Variants in UBA2 observed in about 807,000 individuals in gnomAD.
UBA2 encodes the protein ubiquitin like modifier activating enzyme 2.
Under a neutral mutation model 77.2 loss-of-function variants are expected in UBA2, and 11 were observed. The observed-to-expected ratio is 0.14, with a 90% CI of 0.09 to 0.24. UBA2 has a LOEUF of 0.24. UBA2 is among the 10% of genes least tolerant of loss of function. The pLI, the probability that UBA2 is intolerant of heterozygous loss-of-function variation, is 1.00. For missense variants in UBA2, 487 were observed against 781.7 expected, an observed-to-expected ratio of 0.62 and a Z score of 4.50; for synonymous variants, 278 against 276.7, an observed-to-expected ratio of 1.00 and a Z score of -0.05.
In UBA2 at chr19:34,450,742, C is replaced by CTTTTT. The variant is rs59580124; in HGVS notation, c.871+398_871+402dup. ...GAAATTGCTATATATTTATGTATAT[C>CTTTTT]TTTTTTTTTTTTTTTTTTTTTTTTG... On this transcript the variant is annotated intron_variant, in intron 9 of 16. Transcript: ENST00000246548. Among the ~76,000 whole-genome samples the CTTTTT allele has an allele frequency of 9.3e-4, 78 of 83,428 alleles. 2 individuals are homozygous for CTTTTT. The highest frequency in any genetic ancestry group is 1.8e-3 in the African/African-American group (34 of 19,228). The allele number at this position is 83,428 out of a possible 152,430, so 54.7% of individuals were successfully genotyped here.
At chr19:34,456,982 A>G (rs2075570204) in intron 12 of UBA2, among the ~76,000 whole-genome samples, 2 of 151,122 alleles carry the variant, frequency 1.3e-5, no homozygotes, top group Non-Finnish European at 2.9e-5. Context: ...TTCCCATCAC[A>G]TCCTTCCGGT....
chr19:34,450,334 C>A lies in UBA2; in HGVS notation c.841C>A (p.Pro281Thr). The A allele has an allele frequency of 6.2e-7, 1 of 1,609,568 alleles. No homozygotes were observed. The highest frequency in any genetic ancestry group is 1.1e-5 in the South Asian group (1 of 90,060). Residue 281 changes from proline to threonine, a missense_variant, in exon 9 of 17, where the codon CCG becomes ACG. Physicochemically the swap from Pro to Thr is conservative, Grantham distance 38 (BLOSUM62 -1). Coordinates refer to ENST00000246548, the MANE Select transcript of UBA2 (RefSeq NM_005499.3). Reference sequence around the variant, plus strand: ...ATGGCGGAAAAGGAAACCTCCAGTTCCGTTGGACTGGGCTGAAGTACAAAG... The same window carrying A: ...ATGGCGGAAAAGGAAACCTCCAGTTACGTTGGACTGGGCTGAAGTACAAAG... ...KLWRKRKPPV[P>T]LDWAEVQSQG...
intron 7 of UBA2, among the ~76,000 whole-genome samples, chr19:34,444,548 C>T (rs748155682): frequency 5.3e-5 from 8 of 152,120 alleles, no homozygotes; most frequent in East Asian, 1.9e-4. Context: ...GGCTCACGCC[C>T]GTAGTCCCAG....
chr19:34,459,392 G>A (rs780852819), intron 13 of UBA2, among the ~76,000 whole-genome samples: 8 of 152,114 alleles, frequency 5.3e-5, no homozygotes, highest in Admixed American at 1.3e-4. Context: ...GTTTCTCTGC[G>A]TGTTGGACAG....
At chr19:34,440,385 A>G (rs544251169) in intron 6 of UBA2, among the ~76,000 whole-genome samples, 8 of 152,284 alleles carry the variant, frequency 5.3e-5, no homozygotes, top group Admixed American at 3.3e-4. Flanking sequence ...AGTAGTTTAA[A>G]TTATTCTAAA....
At position 34,460,353 on chromosome 19, in the gene UBA2, T is replaced by C. The variant is rs904460175; in HGVS notation, c.1402-117T>C. 8.5e-6 allele frequency: 6 copies of C among 707,396 alleles called. No homozygotes were observed. The East Asian group carries it at 1.6e-4, about 19-fold the overall frequency. 43.8% of individuals were successfully genotyped at this position (707,396 alleles called of 1,614,324 possible). A position where few individuals can be genotyped will look rare whatever the true frequency, so the allele number is the denominator to read the frequency against. On this transcript the variant is annotated intron_variant, in intron 13 of 16. Coordinates refer to ENST00000246548, the MANE Select transcript of UBA2 (RefSeq NM_005499.3). The stretch of plus-strand genomic sequence containing the variant: ...GCTCTAAGGGATCTTGAAGAGTGAC[T>C]TCGCCGGTTTCCAATAAATAGAAGG...
At chr19:34,430,503 G>A in intron 1 of UBA2, 73 bp from the exon 2 acceptor site, 1 of 1,113,612 alleles carries the variant, frequency 9.0e-7, no homozygotes, top group East Asian at 2.5e-5. Context: ...CTGGATTACA[G>A]GTGCTGAGAG....
chr19:34,428,658 T>A, intron 1 of UBA2, 88 bp downstream of exon 1: 8 of 743,246 alleles, frequency 1.1e-5, no homozygotes, highest in Non-Finnish European at 1.2e-5. Context: ...GCTCTGAGGC[T>A]CAGGGCCCGG....
intron 4 of UBA2, among the ~76,000 whole-genome samples, chr19:34,434,267 T>C (rs978495239): frequency 6.6e-6 from 1 of 152,120 alleles, no homozygotes; most frequent in African/African-American, 2.4e-5. Context: ...GGTACCACCA[T>C]ACCCGGCTAA....
intron 5 of UBA2, among the ~76,000 whole-genome samples, chr19:34,438,255 T>G (rs1022119057): frequency 6.6e-6 from 1 of 151,008 alleles, no homozygotes; most frequent in African/African-American, 2.4e-5. Flanking sequence ...AGAAAATGGC[T>G]GCGAATAATA....
chr19:34,447,011 G>T (rs1376260384), intron 8 of UBA2, among the ~76,000 whole-genome samples: 6 of 152,134 alleles, frequency 3.9e-5, no homozygotes, highest in African/African-American at 1.4e-4. Flanking sequence ...TAATAGGATA[G>T]ATATATACAA....
At position 34,428,580 on chromosome 19, in the gene UBA2, G is replaced by C. The variant is rs772815901; in HGVS notation, c.138+10G>C. 9.2e-6 allele frequency: 12 copies of C among 1,307,172 alleles called. No homozygotes were observed. In the African/African-American group the frequency reaches 1.8e-4, roughly 20 times the overall value. 81.0% of individuals were successfully genotyped at this position (1,307,172 alleles called of 1,614,324 possible). The stretch of plus-strand genomic sequence containing the variant: ...CTCCCACATCGACCTGGTGAGGGCC[G>C]GGCGCGCGCGCGTGAATGGCGGGCT... On this transcript the variant is annotated intron_variant, in intron 1 of 16. Transcript: ENST00000246548.
chr19:34,442,830 C>T (rs2075385169), intron 6 of UBA2, among the ~76,000 whole-genome samples: 1 of 152,170 alleles, frequency 6.6e-6, no homozygotes, highest in Non-Finnish European at 1.5e-5. Flanking sequence ...TTTGCACTCA[C>T]TAGTTGGCAA....
chr19:34,436,743 G>A (rs777283315), intron 5 of UBA2, among the ~76,000 whole-genome samples: 10 of 151,916 alleles, frequency 6.6e-5, no homozygotes, highest in Non-Finnish European at 1.3e-4. Flanking sequence ...GAATTATAAT[G>A]TACTTAACAT....
At chr19:34,463,948 G>A in intron 14 of UBA2, 78 bp from the exon 15 acceptor site, 1 of 999,538 alleles carries the variant, frequency 1.0e-6, no homozygotes, top group South Asian at 1.3e-5. Flanking sequence ...CCATAACAGA[G>A]GTTTAGCTTT....
At chr19:34,458,363 G>C (rs541059607) in intron 12 of UBA2, among the ~76,000 whole-genome samples, 384 of 151,740 alleles carry the variant, frequency 2.5e-3, no homozygotes, top group African/African-American at 8.9e-3. Context: ...AGACCATCCT[G>C]GCTAACACGG....
intron 15 of UBA2, among the ~76,000 whole-genome samples, chr19:34,466,272 G>A (rs924677084): frequency 1.3e-5 from 2 of 152,036 alleles, no homozygotes; most frequent in Non-Finnish European, 2.9e-5. Context: ...GGAGGTAGAG[G>A]TTGCAGTGAA....
intron 8 of UBA2, among the ~76,000 whole-genome samples, chr19:34,449,015 GT>G (rs1308176827): frequency 6.7e-6 from 1 of 148,446 alleles, no homozygotes; most frequent in Non-Finnish European, 1.5e-5. Context: ...CATTTCACAT[GT>G]TGCTGTCATA....
intron 2 of UBA2, among the ~76,000 whole-genome samples, chr19:34,431,522 C>T (rs939516836): frequency 1.3e-5 from 2 of 151,964 alleles, no homozygotes; most frequent in Admixed American, 6.6e-5. Context: ...TGTATAGTTC[C>T]TGGTACATGC....
Sources: gnomAD v4.1 joint callset for allele counts (sites outside exome capture counted in the v4.1 genomes callset) on GRCh38, gnomAD v4.1.1 for gene constraint, MANE v1.5 for transcripts, NCBI Gene and HGNC (gene_info 2026-07-23, HGNC 2026-07-21) for gene names.